Variants in SCG3 observed in about 807,000 individuals in gnomAD.
SCG3 encodes the protein secretogranin III.
Under a neutral mutation model 56.2 loss-of-function variants are expected in SCG3, and 38 were observed. The observed-to-expected ratio is 0.68, with a 90% CI of 0.52 to 0.89. The LOEUF (loss-of-function observed/expected upper bound fraction) is 0.89. Among genes scored for constraint, SCG3 ranks in the 40% least tolerant of loss-of-function variants. The probability of loss-of-function intolerance (pLI) is 0.00; values close to 1 mark genes in which losing one functional copy is unlikely to be tolerated. For missense variants in SCG3, 524 were observed against 540.7 expected (o/e 0.97, Z 0.31); for synonymous variants, 176 against 184.2 (o/e 0.96, Z 0.36).
At chr15:51,701,547 A>AT (rs1219395724) in intron 10 of SCG3, among the ~76,000 whole-genome samples, 3 of 152,204 alleles carry the variant, frequency 2.0e-5, no homozygotes. Flanking sequence ...TTATAATCTT[A>AT]TGAATTTATT....
intron 11 of SCG3, among the ~76,000 whole-genome samples, chr15:51,715,861 C>T (rs1399830703): frequency 2.8e-5 from 4 of 145,108 alleles, no homozygotes; most frequent in Non-Finnish European, 6.1e-5. Flanking sequence ...GGAGTCTGCA[C>T]TTTTTTTTTT....
chr15:51,682,027 A>G lies in SCG3; in HGVS notation c.82+190A>G, dbSNP rs16964476. On this transcript the variant is annotated intron_variant, in intron 1 of 11. Coordinates refer to ENST00000220478, the MANE Select transcript of SCG3 (RefSeq NM_013243.4). ...ATTTTTTTTCTTCACTTTTAAAATGATAGAGCAATAATATGGGTTGTTTTT... is the reference window on the plus strand; with the variant it reads ...ATTTTTTTTCTTCACTTTTAAAATGGTAGAGCAATAATATGGGTTGTTTTT... Among the ~76,000 whole-genome samples, 7,980 of 152,236 alleles carry G rather than the reference A, an allele frequency of 0.052. 570 individuals are homozygous for G. The highest frequency in any genetic ancestry group is 0.17 in the African/African-American group (6,970 of 41,498).
At chr15:51,702,693 C>A (rs911415652) in intron 10 of SCG3, among the ~76,000 whole-genome samples, 15 of 152,146 alleles carry the variant, frequency 9.9e-5, no homozygotes, top group African/African-American at 3.4e-4. Context: ...GTTCAAGTCC[C>A]CTTATTACAA....
At chr15:51,713,894 C>G (rs962052752) in intron 11 of SCG3, among the ~76,000 whole-genome samples, 1 of 152,190 alleles carries the variant, frequency 6.6e-6, no homozygotes, top group Non-Finnish European at 1.5e-5. Context: ...CCAAGGAATG[C>G]ACAGCGTCAT....
At position 51,681,617 on chromosome 15, in the gene SCG3, CCG is replaced by C. The variant is rs2055194385; in HGVS notation, c.-137_-136del. ...CCGTCGAGTGTCAGAGATCCTGCAG[CCG>C]CCCAGTCCCGGCCCCTCTCCCGCCC... On this transcript the variant is annotated 5_prime_UTR_variant, in exon 1 of 12. Coordinates refer to ENST00000220478, the MANE Select transcript of SCG3 (RefSeq NM_013243.4). 1.5e-6 allele frequency: 1 copy of C among 653,170 alleles called. No individual in the cohort carries two copies. Among genetic ancestry groups the C allele is most frequent in the Non-Finnish European group, 2.7e-6 (1 of 365,948 alleles). 40.5% of individuals were successfully genotyped at this position (653,170 alleles called of 1,614,324 possible). A position where few individuals can be genotyped will look rare whatever the true frequency, so the allele number is the denominator to read the frequency against.
At chr15:51,688,002 T>G (rs17648801) in intron 4 of SCG3, among the ~76,000 whole-genome samples, 3,235 of 152,324 alleles carry the variant, frequency 0.021, 92 homozygotes, top group East Asian at 0.095. Context: ...AAATGGAGAC[T>G]ACTTTTCTGT....
chr15:51,709,887 ATTTTTTTTTTTTT>A (rs67775073), intron 10 of SCG3, among the ~76,000 whole-genome samples: 3 of 84,858 alleles, frequency 3.5e-5, no homozygotes, highest in African/African-American at 1.5e-4. Flanking sequence ...CGCCCGGCTA[ATTTTTTTTTTTTT>A]TTTTTTTTTG....
intron 11 of SCG3, among the ~76,000 whole-genome samples, chr15:51,717,441 G>A (rs117397916): frequency 0.042 from 6,330 of 151,666 alleles, 171 homozygotes; most frequent in African/African-American, 0.05. Flanking sequence ...GGCTGAAGCA[G>A]GAGGATCACT....
rs2055483229 is a variant in SCG3, at chr15:51,719,638, C to A, written c.*112C>A. On this transcript the variant is annotated 3_prime_UTR_variant, in exon 12 of 12. Transcript: ENST00000220478. ...TTGACCCAAGGGTTATTAGAAAGTG[C>A]TGAATTTACAGTAGTTAACCTTTTA... 2 of 697,138 alleles carry A rather than the reference C, an allele frequency of 2.9e-6. No individual in the cohort carries two copies. The highest frequency in any genetic ancestry group is 4.8e-6 in the Non-Finnish European group (2 of 416,092). 43.2% of individuals were successfully genotyped at this position (697,138 alleles called of 1,614,324 possible). A position where few individuals can be genotyped will look rare whatever the true frequency, so the allele number is the denominator to read the frequency against.
chr15:51,710,752 A>ATTTTTTTTTTTTTT (rs60536489), intron 10 of SCG3, among the ~76,000 whole-genome samples: 2 of 105,292 alleles, frequency 1.9e-5, no homozygotes, highest in Non-Finnish European at 3.8e-5. Flanking sequence ...TGCCTGGCTA[A>ATTTTTTTTTTTTTT]TTTTTTTTTT....
At chr15:51,683,878 T>A (rs2055211687) in intron 4 of SCG3, among the ~76,000 whole-genome samples, 1 of 152,254 alleles carries the variant, frequency 6.6e-6, no homozygotes. Flanking sequence ...AACCTTTACG[T>A]GGCTTCAATT....
rs903387991 is a variant in SCG3, at chr15:51,683,416, T to C, written c.379T>C (p.Leu127=). The C allele has an allele frequency of 1.3e-6, 2 of 1,599,894 alleles. No homozygotes were observed. The highest frequency in any genetic ancestry group is 1.7e-4 in the Middle Eastern group (1 of 5,940). Reference sequence around the variant, plus strand: ...TGATTATGACTCTACTAAGAGTGGATTGGATCATAAATTTCAAGGTAAATG... The same window carrying C: ...TGATTATGACTCTACTAAGAGTGGACTGGATCATAAATTTCAAGGTAAATG... ...IDDYDSTKSG[L]DHKFQDDPDG... Residue 127 remains leucine, a synonymous_variant, in exon 4 of 12, where the codon TTG becomes CTG. Coordinates refer to ENST00000220478, the MANE Select transcript of SCG3 (RefSeq NM_013243.4).
intron 7 of SCG3, among the ~76,000 whole-genome samples, chr15:51,694,727 CA>C (rs1296646324): frequency 1.3e-5 from 2 of 152,062 alleles, no homozygotes; most frequent in Non-Finnish European, 2.9e-5. Context: ...AACAGAATGT[CA>C]AATACAAAGG....
At chr15:51,698,843 G>C (rs2055321089) in intron 8 of SCG3, among the ~76,000 whole-genome samples, 1 of 152,114 alleles carries the variant, frequency 6.6e-6, no homozygotes, top group Admixed American at 6.5e-5. Context: ...TCACTGACCT[G>C]GATAGGTCCT....
rs1567219688 is a variant in SCG3, at chr15:51,699,419, A to G, written c.1069+17A>G. 2 of 1,499,350 alleles carry G rather than the reference A, an allele frequency of 1.3e-6. No individual in the cohort carries two copies. Among genetic ancestry groups the G allele is most frequent in the Admixed American group, 3.8e-5 (2 of 52,454 alleles). 92.9% of individuals were successfully genotyped at this position (1,499,350 alleles called of 1,614,324 possible). A position where few individuals can be genotyped will look rare whatever the true frequency, so the allele number is the denominator to read the frequency against. On this transcript the variant is annotated intron_variant, in intron 9 of 11. Coordinates refer to ENST00000220478, the MANE Select transcript of SCG3 (RefSeq NM_013243.4). ...TTTTCCCAGGTATGATTATTTAACT[A>G]TTTTTTTAGCCTTTAGAATAATAAC...
At position 51,692,230 on chromosome 15, in the gene SCG3, C is replaced by T. The variant is rs374172003; in HGVS notation, c.762C>T (p.Thr254=). 3 of 1,614,030 alleles carry T rather than the reference C, an allele frequency of 1.9e-6. No individual in the cohort carries two copies. The highest frequency in any genetic ancestry group is 2.5e-6 in the Non-Finnish European group (3 of 1,179,940). Residue 254 remains threonine (T), a synonymous_variant, in exon 7 of 12, where the codon ACC becomes ACT. Transcript: ENST00000220478. ...ENDETVSNTL[T]LTNGLERRTK... ...ATGAAACAGTATCTAACACATTAAC[C>T]TTGACAAATGGCTTGGAAAGGAGAA...
intron 8 of SCG3, among the ~76,000 whole-genome samples, chr15:51,697,087 C>T (rs1383600016): frequency 6.6e-6 from 1 of 151,398 alleles, no homozygotes; most frequent in East Asian, 1.9e-4. Context: ...CTCACAACAT[C>T]AACACTCTGG....
At chr15:51,695,240 C>A (rs1220659106) in intron 7 of SCG3, among the ~76,000 whole-genome samples, 1 of 151,076 alleles carries the variant, frequency 6.6e-6, no homozygotes, top group Non-Finnish European at 1.5e-5. Flanking sequence ...TATTTATAAA[C>A]TAGAACTATA....
At chr15:51,682,980 A>T in intron 2 of SCG3, 99 bp from the exon 3 acceptor site, 3 of 906,458 alleles carry the variant, frequency 3.3e-6, no homozygotes, top group Non-Finnish European at 5.1e-6. Context: ...TACAAACAAG[A>T]CAATTAAATC....
Sources: gnomAD v4.1 joint callset for allele counts (sites outside exome capture counted in the v4.1 genomes callset) on GRCh38, gnomAD v4.1.1 for gene constraint, MANE v1.5 for transcripts, NCBI Gene and HGNC (gene_info 2026-07-23, HGNC 2026-07-21) for gene names.